ANO9: variants seen among roughly 807,000 people sequenced by gnomAD.
ANO9 encodes the protein anoctamin-9.
ANO9 carries 80 observed loss-of-function variants against 100.5 expected under a neutral mutation model. That is an observed-to-expected ratio of 0.80 (90% CI 0.66 to 0.96). The LOEUF (loss-of-function observed/expected upper bound fraction) is 0.96, where lower values mean the gene tolerates loss of function less well. ANO9 is among the 40% of genes least tolerant of loss of function. The probability of loss-of-function intolerance (pLI) is 0.00; values close to 1 mark genes in which losing one functional copy is unlikely to be tolerated. For missense variants in ANO9, 1,064 were observed against 1,072.7 expected (o/e 0.99, Z 0.11); for synonymous variants, 473 against 435.6 (o/e 1.09, Z -1.07).
At chr11:427,911 G>A (rs190322697) in intron 15 of ANO9, among the ~76,000 whole-genome samples, 177 bp downstream of exon 15, 8 of 150,196 alleles carry the variant, frequency 5.3e-5, no homozygotes, top group African/African-American at 1.7e-4. Context: ...CTACCTCGGG[G>A]CCCGGGATTC....
intron 19 of ANO9, chr11:420,211 T>G: frequency 7.1e-7 from 1 of 1,406,862 alleles, no homozygotes; most frequent in Non-Finnish European, 9.2e-7. Flanking sequence ...GGGTCCCCCT[T>G]GGGGGCGTCA....
Position 432,041 on chromosome 11 carries a change from T to A in ANO9, c.364A>T (p.Ile122Phe), listed in dbSNP as rs1335989657. ...IPVTTSLRIR[I>F]VNFVVMNNKT... ...TTGTTCATGACAACGAAGTTCACGA[T>A]TCGGATTCTGAGACTCAAGAGCCAG... The change falls in exon 5 of 23, where the codon ATC (isoleucine) becomes TTC (phenylalanine). Residue 122 changes from isoleucine (I) to phenylalanine (F), a missense_variant. By Grantham distance (21) the Ile-to-Phe change is conservative. Coordinates refer to ENST00000332826, the MANE Select transcript of ANO9 (RefSeq NM_001012302.3). This position sits in a 1 kb window ranked among gnomAD's most constrained non-coding sequence, Gnocchi z 4.8. The A allele has an allele frequency of 8.1e-6, 13 of 1,612,808 alleles. No homozygotes were observed. The highest frequency in any genetic ancestry group is 1.1e-5 in the Non-Finnish European group (13 of 1,179,752).
chr11:431,949 G>T, intron 5 of ANO9, 43 bp from the exon 6 acceptor site: 1 of 1,612,244 alleles, frequency 6.2e-7, no homozygotes, highest in East Asian at 2.2e-5. Context: ...TGAGGTGCTG[G>T]GAGAACCCTG....
At position 432,036 on chromosome 11, in the gene ANO9, C is replaced by T. The variant is rs756833838; in HGVS notation, c.369G>A (p.Val123=). The change falls in exon 5 of 23, where the codon GTG becomes GTA. Residue 123 remains valine (V), a synonymous_variant. Transcript: ENST00000332826. The surrounding 1 kb of genome is among the most constrained non-coding windows in gnomAD (Gnocchi z 4.8). ...TCTTGTTGTTCATGACAACGAAGTT[C>T]ACGATTCGGATTCTGAGACTCAAGA... The part of the protein sequence containing the change: ...PVTTSLRIRI[V]NFVVMNNKTS... 3.7e-6 allele frequency: 6 copies of T among 1,612,880 alleles called. No homozygotes were observed. In the East Asian group the frequency reaches 1.3e-4, roughly 36 times the overall value.
chr11:418,788 C>CG lies in ANO9; in HGVS notation c.2061dup (p.Asp688ArgfsTer23), dbSNP rs1197942333. The CG allele has an allele frequency of 4.3e-6, 7 of 1,612,866 alleles. No homozygotes were observed. In the Admixed American group the frequency reaches 8.3e-5, roughly 19 times the overall value. On this transcript the variant is annotated frameshift_variant, in exon 22 of 23. Transcript: ENST00000332826. LOFTEE classifies it high-confidence loss of function. The stretch of plus-strand genomic sequence containing the variant: ...CAGAACTGCTCGGAGAAGTTGTAAT[C>CG]GGGGGGATTGCGGTAGTCCCTGTAT...
At chr11:433,513 C>A in intron 3 of ANO9, 54 bp from the exon 4 acceptor site, 1 of 1,591,030 alleles carries the variant, frequency 6.3e-7, no homozygotes, top group Non-Finnish European at 8.6e-7. Flanking sequence ...CGCTCTATCC[C>A]GCCTCAGAAC....
chr11:429,504 C>A, intron 11 of ANO9, 66 bp downstream of exon 11: 5 of 1,589,686 alleles, frequency 3.1e-6, no homozygotes, highest in Non-Finnish European at 4.3e-6. Flanking sequence ...GTGGGCCGTG[C>A]AGGGCATCGG....
At chr11:427,313 G>A (rs1285666506) in intron 15 of ANO9, among the ~76,000 whole-genome samples, 1 of 152,078 alleles carries the variant, frequency 6.6e-6, no homozygotes, top group Non-Finnish European at 1.5e-5. Context: ...TCATGCTACT[G>A]CACTCCAGCC....
chr11:428,750 G>A lies in ANO9; in HGVS notation c.992C>T (p.Thr331Ile). The A allele has an allele frequency of 1.2e-6, 2 of 1,613,392 alleles. No individual in the cohort carries two copies. The highest frequency in any genetic ancestry group is 1.7e-6 in the Non-Finnish European group (2 of 1,179,956). The change falls in exon 12 of 23, where the codon ACC becomes ATC. Residue 331 changes from threonine (T) to isoleucine (I), a missense_variant. Transcript: ENST00000332826. ...GAGCAGGGTCAGGACGAGGATGACG[G>A]TGCTGCGTAGGTAGGAGTGCTGGTA... ...RPYQHSYLRS[T>I]VILVLTLLMI...
intron 7 of ANO9, among the ~76,000 whole-genome samples, chr11:431,206 G>T (rs1848943586): frequency 8.9e-6 from 1 of 112,558 alleles, no homozygotes; most frequent in African/African-American, 3.4e-5. Context: ...TTCCGCAGGG[G>T]TGTGGGGGCT....
At chr11:430,029 G>T in intron 9 of ANO9, 54 bp downstream of exon 9, 1 of 1,521,012 alleles carries the variant, frequency 6.6e-7, no homozygotes. Context: ...GCTTCGGGTG[G>T]ATGCACCGTT....
intron 20 of ANO9, 177 bp from the exon 21 acceptor site, chr11:419,166 GT>G (rs1848023531): frequency 1.4e-6 from 2 of 1,398,152 alleles, no homozygotes; most frequent in South Asian, 1.5e-5. Context: ...CGGGGGCCTT[GT>G]GGGGACTGTG....
At chr11:427,160 G>C (rs1347996840) in intron 15 of ANO9, among the ~76,000 whole-genome samples, 1 of 152,168 alleles carries the variant, frequency 6.6e-6, no homozygotes, top group East Asian at 1.9e-4. Flanking sequence ...GACCAGCCTG[G>C]CCAACATGGT....
At position 418,654 on chromosome 11, in the gene ANO9, CG is replaced by C. The variant is rs1847986011; in HGVS notation, c.2130+65del. ...CAGCTGGCATTTGGGGGTTCAGGGC[CG>C]GGGAGAAGGACTGGGGAGAGCACTG... On this transcript the variant is annotated intron_variant, in intron 22 of 22. Coordinates refer to ENST00000332826, the MANE Select transcript of ANO9 (RefSeq NM_001012302.3). The C allele has an allele frequency of 1.9e-6, 3 of 1,610,326 alleles. No homozygotes were observed. In the East Asian group the frequency reaches 6.7e-5, roughly 36 times the overall value.
At chr11:419,254 T>C in intron 20 of ANO9, 1 of 1,420,934 alleles carries the variant, frequency 7.0e-7, no homozygotes. Context: ...TGGTGGCTCC[T>C]CGAGGTCAGA....
chr11:428,310 G>A (rs375716874), intron 14 of ANO9, 48 bp downstream of exon 14: 364 of 1,610,776 alleles, frequency 2.3e-4, no homozygotes, highest in Non-Finnish European at 2.9e-4. Context: ...CCCCAGCCCT[G>A]AGTCCTCCCG....
rs372557850 is a variant in ANO9 at position 441,910 on chromosome 11, G to A, written c.6+11C>T. On this transcript the variant is annotated intron_variant, in intron 1 of 22. Coordinates refer to ENST00000332826, the MANE Select transcript of ANO9 (RefSeq NM_001012302.3). ...CTTGAAGGTGTGGACCCTTTTGAGC[G>A]CAGGACTCACCTGCATGCTGGCTGT... The A allele has an allele frequency of 3.0e-5, 48 of 1,607,422 alleles. 1 individual carries two copies. In the South Asian group the frequency reaches 3.8e-4, roughly 13 times the overall value.
rs900503338 is a variant in ANO9 at position 420,824 on chromosome 11, G to A, written c.1527C>T (p.Ser509=). 1.9e-6 allele frequency: 3 copies of A among 1,591,966 alleles called. No individual in the cohort carries two copies. The highest frequency in any genetic ancestry group is 1.1e-5 in the South Asian group (1 of 89,656). ...GGTCCCGGGGCAGGTGCCCGGACTC[G>A]GAGGCCCGCAGAGAGCGGCACTTGT... The part of the protein sequence containing the change: ...VTHKCRSLRA[S]ESGHLPRDPE... Residue 509 remains serine, a synonymous_variant, in exon 18 of 23, where the codon TCC becomes TCT. Coordinates refer to ENST00000332826, the MANE Select transcript of ANO9 (RefSeq NM_001012302.3).
Position 431,710 on chromosome 11 carries a change from G to T in ANO9, c.523C>A (p.Pro175Thr). The change falls in exon 7 of 23, where the codon CCA becomes ACA. Residue 175 changes from proline (P) to threonine (T), a missense_variant. Coordinates refer to ENST00000332826, the MANE Select transcript of ANO9 (RefSeq NM_001012302.3). Reference protein sequence around the residue: ...ARWRHMFREQPVDEIRNYFGE... With the variant: ...ARWRHMFREQTVDEIRNYFGE... ...CAGCGTTACCTGATTTCATCAACTG[G>T]CTGCTCCCGGAACATGTGTCTCCAC... The T allele has an allele frequency of 6.2e-7, 1 of 1,612,466 alleles. No homozygotes were observed. Among genetic ancestry groups the T allele is most frequent in the Non-Finnish European group, 8.5e-7 (1 of 1,179,504 alleles).
Sources: allele counts gnomAD v4.1 joint callset (sites outside exome capture counted in the v4.1 genomes callset), GRCh38; gene constraint gnomAD v4.1.1; non-coding constraint Gnocchi (gnomAD v3.1); transcripts MANE v1.5; gene names NCBI Gene and HGNC (gene_info 2026-07-23, HGNC 2026-07-21).